SEMA3G: variants seen among roughly 807,000 people sequenced by gnomAD.
SEMA3G encodes semaphorin-3G.
SEMA3G carries 70 observed loss-of-function variants against 86.2 expected under a neutral mutation model. The observed-to-expected ratio is 0.81, with a 90% CI of 0.67 to 0.99. The LOEUF (loss-of-function observed/expected upper bound fraction) is 0.99, where lower values mean the gene tolerates loss of function less well. Ranked by LOEUF, SEMA3G falls within the 50% of genes least tolerant of loss-of-function variation. SEMA3G has a pLI of 0.00. For missense variants in SEMA3G, 1,002 were observed against 1,072.4 expected, an observed-to-expected ratio of 0.93 and a Z score of 0.92; for synonymous variants, 416 against 441.4, an observed-to-expected ratio of 0.94 and a Z score of 0.72.
rs1300239765 is a variant in SEMA3G at position 52,433,367 on chromosome 3, T to A, written c.*2236A>T. The A allele has an allele frequency of 6.6e-6, 1 of 152,638 alleles. No individual in the cohort carries two copies. Among genetic ancestry groups the A allele is most frequent in the Non-Finnish European group, 1.5e-5 (1 of 68,042 alleles). 9.5% of individuals were successfully genotyped at this position (152,638 alleles called of 1,614,324 possible). On this transcript the variant is annotated 3_prime_UTR_variant, in exon 16 of 16. Transcript: ENST00000231721. ...GATGCAAATATTAACTTCATCCCTT[T>A]CCTTGTAAATTCAGCTTTTCTCACC...
rs899515314 is a variant in SEMA3G at position 52,441,654 on chromosome 3, A to G, written c.587T>C (p.Leu196Pro). 2.5e-6 allele frequency: 4 copies of G among 1,613,666 alleles called. No individual in the cohort carries two copies. The highest frequency in any genetic ancestry group is 2.7e-5 in the African/African-American group (2 of 74,934). ...TCGGAAGATCATGGCCTCTCGCCCC[A>G]GGAAGTCAGCAGTGAGACCCGTGTA... ...ELYTGLTADF[L>P]GREAMIFRSG... The change falls in exon 6 of 16, where the codon CTG becomes CCG. Residue 196 changes from leucine (L) to proline (P), a missense_variant. By Grantham distance (98) the Leu-to-Pro change is moderately conservative (BLOSUM62 -3). Transcript: ENST00000231721.
chr3:52,443,829 G>A (rs1706207377), intron 1 of SEMA3G, among the ~76,000 whole-genome samples: 1 of 152,182 alleles, frequency 6.6e-6, no homozygotes, highest in South Asian at 2.1e-4. Context: ...CCAGGGACGA[G>A]CGCCATCTCC....
chr3:52,443,071 T>A (rs1476759989), intron 1 of SEMA3G, 164 bp from the exon 2 acceptor site: 44 of 1,530,184 alleles, frequency 2.9e-5, no homozygotes, highest in Non-Finnish European at 3.7e-5. Flanking sequence ...CCATGGCTCC[T>A]GGGGACAGGT....
In SEMA3G at chr3:52,435,812, T is replaced by C; in HGVS notation, c.2140A>G (p.Ile714Val). Residue 714 changes from isoleucine to valine, a missense_variant, in exon 16 of 16, where the codon ATT becomes GTT. Transcript: ENST00000231721. ...ACCCGGGGCAGGTTGGCGAAGCCAA[T>C]GAGCTGCAGGATGTCCTTGTACCAG... ...KAWYKDILQL[I>V]GFANLPRVDE... The C allele has an allele frequency of 6.2e-7, 1 of 1,613,780 alleles. No homozygotes were observed. The highest frequency in any genetic ancestry group is 8.5e-7 in the Non-Finnish European group (1 of 1,179,736).
At chr3:52,443,987 C>T (rs1578260374) in intron 1 of SEMA3G, among the ~76,000 whole-genome samples, 1 of 152,220 alleles carries the variant, frequency 6.6e-6, no homozygotes, top group Admixed American at 6.5e-5. Context: ...ACAGGAACCC[C>T]CAGGCTGGGA....
Position 52,435,715 on chromosome 3 carries a change from C to G in SEMA3G, c.2237G>C (p.Arg746Pro), listed in dbSNP as rs376199344. 1.9e-6 allele frequency: 3 copies of G among 1,614,032 alleles called. No individual in the cohort carries two copies. The highest frequency in any genetic ancestry group is 1.1e-5 in the South Asian group (1 of 91,066). Residue 746 changes from arginine to proline, a missense_variant, in exon 16 of 16, where the codon CGG (arginine) becomes CCG (proline). Coordinates refer to ENST00000231721, the MANE Select transcript of SEMA3G (RefSeq NM_020163.3). ...GCTCTTGCCCCTGGCCTGCTTGCCCCGGCTCCGGCTCCGGAAGCAGCCTGA... is the reference window on the plus strand; with the variant it reads ...GCTCTTGCCCCTGGCCTGCTTGCCCGGGCTCCGGCTCCGGAAGCAGCCTGA... Reference protein sequence around the residue: ...ECSGCFRSRSRGKQARGKSWA... With the variant: ...ECSGCFRSRSPGKQARGKSWA...
At position 52,439,669 on chromosome 3, in the gene SEMA3G, C is replaced by T. The variant is rs748731377; in HGVS notation, c.1467+11G>A. ...GGCTTGGAGGGACCCTTCCATCAGCCCCTTGCTTACCTTAAACACCTGGAG... is the reference window on the plus strand; with the variant it reads ...GGCTTGGAGGGACCCTTCCATCAGCTCCTTGCTTACCTTAAACACCTGGAG... On this transcript the variant is annotated intron_variant, in intron 12 of 15. Transcript: ENST00000231721. 4.3e-6 allele frequency: 7 copies of T among 1,610,560 alleles called. No individual in the cohort carries two copies. Among genetic ancestry groups the T allele is most frequent in the Non-Finnish European group, 5.9e-6 (7 of 1,177,034 alleles).
rs1249127974 is a variant in SEMA3G, at chr3:52,444,712, C to T, written c.115+201G>A. ...TCGGCACACGCACACAAACTCGGCA[C>T]ACGCACACAAACACGGCACACGCAA... On this transcript the variant is annotated intron_variant, in intron 1 of 15. Transcript: ENST00000231721. Among the ~76,000 whole-genome samples, 11 of 115,914 alleles carry T rather than the reference C, an allele frequency of 9.5e-5. 1 individual carries two copies. The highest frequency in any genetic ancestry group is 1.6e-4 in the Non-Finnish European group (9 of 56,762). 76.0% of individuals were successfully genotyped at this position (115,914 alleles called of 152,430 possible).
Position 52,433,494 on chromosome 3 carries a change from CA to C in SEMA3G, c.*2108del, listed in dbSNP as rs1245589160. 6.6e-6 allele frequency: 1 copy of C among 152,602 alleles called. No individual in the cohort carries two copies. The highest frequency in any genetic ancestry group is 2.4e-5 in the African/African-American group (1 of 41,430). The allele number at this position is 152,602 out of a possible 1,614,324, so 9.5% of individuals were successfully genotyped here. A position where few individuals can be genotyped will look rare whatever the true frequency, so the allele number is the denominator to read the frequency against. ...CAAGGCCCATCTCAACACACAAATA[CA>C]AAAACAACTCGCATTTACGGGGCGT... On this transcript the variant is annotated 3_prime_UTR_variant, in exon 16 of 16. Coordinates refer to ENST00000231721, the MANE Select transcript of SEMA3G (RefSeq NM_020163.3).
rs1183124669 is a variant in SEMA3G at position 52,439,932 on chromosome 3, T to TGTAG, written c.1306_1309dup (p.His437ProfsTer24). On this transcript the variant is annotated frameshift_variant, in exon 11 of 16. Coordinates refer to ENST00000231721, the MANE Select transcript of SEMA3G (RefSeq NM_020163.3). LOFTEE classifies it high-confidence loss of function. ...CTCCACGCGGTCCACCACGATCTGG[T>TGTAG]GTAGCTGCTGGGCCAGGTGGGTCTT... The TGTAG allele has an allele frequency of 3.7e-6, 6 of 1,613,788 alleles. No individual in the cohort carries two copies. Among genetic ancestry groups the TGTAG allele is most frequent in the Non-Finnish European group, 5.1e-6 (6 of 1,179,976 alleles).
Position 52,441,422 on chromosome 3 carries a change from C to G in SEMA3G, c.668-13G>C, listed in dbSNP as rs1325148791. On this transcript the variant is annotated splice_polypyrimidine_tract_variant and intron_variant, in intron 6 of 15. Coordinates refer to ENST00000231721, the MANE Select transcript of SEMA3G (RefSeq NM_020163.3). ...ACAAACCGGGGGTCTGGAAGGGTGA[C>G]AGGGTCATGCTGGGTGGAGGGGCCC... The G allele has an allele frequency of 1.7e-5, 27 of 1,612,082 alleles. No individual in the cohort carries two copies. The highest frequency in any genetic ancestry group is 2.3e-5 in the Non-Finnish European group (27 of 1,178,980).
In SEMA3G at chr3:52,441,076, T is replaced by TTGGGCCCCACGAGGA. The variant is rs747805328; in HGVS notation, c.814-43_814-29dup. The TTGGGCCCCACGAGGA allele has an allele frequency of 7.1e-5, 110 of 1,558,496 alleles. No individual in the cohort carries two copies. In the Admixed American group the frequency reaches 1.9e-3, roughly 27 times the overall value. On this transcript the variant is annotated intron_variant, in intron 7 of 15. Coordinates refer to ENST00000231721, the MANE Select transcript of SEMA3G (RefSeq NM_020163.3). ...GCAGGATAAGGGGCCAGAGTCACGC[T>TTGGGCCCCACGAGGA]TGGGCCCCACGAGGATGGGTCCCAC...
In SEMA3G at chr3:52,434,196, T is replaced by C. The variant is rs1411626216; in HGVS notation, c.*1407A>G. ...TCCTTCCAGCCAGTTTTGTGTGTCA[T>C]GAATGTGTTCATGTGCAGGCTGGGA... On this transcript the variant is annotated 3_prime_UTR_variant, in exon 16 of 16. Coordinates refer to ENST00000231721, the MANE Select transcript of SEMA3G (RefSeq NM_020163.3). The surrounding 1 kb of genome is among the most constrained non-coding windows in gnomAD (Gnocchi z 5.2). 1 of 152,074 alleles carries C rather than the reference T, an allele frequency of 6.6e-6. No individual in the cohort carries two copies. The allele number at this position is 152,074 out of a possible 1,614,324, so 9.4% of individuals were successfully genotyped here. A position where few individuals can be genotyped will look rare whatever the true frequency, so the allele number is the denominator to read the frequency against.
At position 52,440,851 on chromosome 3, in the gene SEMA3G, C is replaced by T. The variant is rs554622246; in HGVS notation, c.929-28G>A. The T allele has an allele frequency of 1.4e-4, 231 of 1,607,958 alleles. 1 individual carries two copies. In the South Asian group the frequency reaches 2.5e-3, roughly 17 times the overall value. On this transcript the variant is annotated intron_variant, in intron 8 of 15. Transcript: ENST00000231721. ...GGGGTAGAGAAAGGAGTATGAGTGT[C>T]ATGGCCACCGCCAATGCCCTGACTC... is the stretch of plus-strand genomic sequence containing the variant.
Position 52,442,947 on chromosome 3 carries a change from C to T in SEMA3G, c.116-40G>A. Reference sequence around the variant, plus strand: ...GGGGAGGCAGATCAGGGCCACAGCTCAGCCTAGTTCCCCAGCCAAGGAGTG... The same window carrying T: ...GGGGAGGCAGATCAGGGCCACAGCTTAGCCTAGTTCCCCAGCCAAGGAGTG... On this transcript the variant is annotated intron_variant, in intron 1 of 15. Coordinates refer to ENST00000231721, the MANE Select transcript of SEMA3G (RefSeq NM_020163.3). This position sits in a 1 kb window ranked among gnomAD's most constrained non-coding sequence, Gnocchi z 6.1. 1 of 1,559,096 alleles carries T rather than the reference C, an allele frequency of 6.4e-7. No homozygotes were observed.
At position 52,440,004 on chromosome 3, in the gene SEMA3G, AG is replaced by A; in HGVS notation, c.1237del (p.Leu413SerfsTer215). 6.2e-7 allele frequency: 1 copy of A among 1,612,800 alleles called. No individual in the cohort carries two copies. Among genetic ancestry groups the A allele is most frequent in the Non-Finnish European group, 8.5e-7 (1 of 1,179,294 alleles). ...TCGAGGCCGCACAGGCCAGAACATG[AG>A]GGGGTGGGCTCGGGCAAACTGCAGC... Reference protein sequence around the residue: ...EVLQFARAHPLMFWPVRPRHG... With the variant: ...EVLQFARAHPXMFWPVRPRHG... On this transcript the variant is annotated frameshift_variant, in exon 11 of 16. Transcript: ENST00000231721. LOFTEE classifies it high-confidence loss of function.
Position 52,435,873 on chromosome 3 carries a change from TG to T in SEMA3G, c.2078del (p.Pro693GlnfsTer68), listed in dbSNP as rs1559608060. ...GGGTGGAAGCCAGGCCTCCCCGGGCTGGGGGCTCCTCTGGCTTTGGCTCCGG... is the reference window on the plus strand; with the variant it reads ...GGGTGGAAGCCAGGCCTCCCCGGGCTGGGGCTCCTCTGGCTTTGGCTCCGG... ...FPPEPKPEEP[P>X]ARGGLASTPP... On this transcript the variant is annotated frameshift_variant, in exon 16 of 16. Coordinates refer to ENST00000231721, the MANE Select transcript of SEMA3G (RefSeq NM_020163.3). LOFTEE classifies it high-confidence loss of function. The T allele has an allele frequency of 6.2e-7, 1 of 1,614,066 alleles. No homozygotes were observed. The highest frequency in any genetic ancestry group is 8.5e-7 in the Non-Finnish European group (1 of 1,180,024).
chr3:52,436,110 G>A (rs746749617), intron 15 of SEMA3G, 37 bp from the exon 16 acceptor site: 2 of 1,562,324 alleles, frequency 1.3e-6, no homozygotes, highest in South Asian at 2.4e-5. Context: ...TAGGGTGCAA[G>A]GTGGGAGTTT....
At position 52,441,339 on chromosome 3, in the gene SEMA3G, G is replaced by A; in HGVS notation, c.738C>T (p.Phe246=). The A allele has an allele frequency of 6.2e-7, 1 of 1,613,918 alleles. No individual in the cohort carries two copies. The part of the protein sequence containing the change: ...SDQDNDKVYF[F]FSETVPSPDG... ...CGGGCGAGGGGACCGTCTCCGAGAAGAAGAAGTACACCTTGTCATTGTCCT... is the reference window on the plus strand; with the variant it reads ...CGGGCGAGGGGACCGTCTCCGAGAAAAAGAAGTACACCTTGTCATTGTCCT... Residue 246 remains phenylalanine, a synonymous_variant, in exon 7 of 16, where the codon TTC becomes TTT. Transcript: ENST00000231721.
Sources: allele counts gnomAD v4.1 joint callset (sites outside exome capture counted in the v4.1 genomes callset), GRCh38; gene constraint gnomAD v4.1.1; non-coding constraint Gnocchi (gnomAD v3.1); transcripts MANE v1.5; gene names NCBI Gene and HGNC (gene_info 2026-07-23, HGNC 2026-07-21).